The following KCNK2 variants were observed in gnomAD, a reference collection of about 807,000 sequenced individuals.
The protein encoded by KCNK2 is potassium two pore domain channel subfamily K member 2, also known as potassium channel subfamily K member 2.
Under a neutral mutation model 40.5 loss-of-function variants are expected in KCNK2, and 21 were observed. That is an observed-to-expected ratio of 0.52 (90% CI 0.37 to 0.75). The LOEUF (loss-of-function observed/expected upper bound fraction) is 0.75, where lower values mean the gene tolerates loss of function less well. Ranked by LOEUF, KCNK2 falls within the 30% of genes least tolerant of loss-of-function variation. The probability of loss-of-function intolerance (pLI) is 0.00; values close to 1 mark genes in which losing one functional copy is unlikely to be tolerated. For missense variants in KCNK2, 399 were observed against 531.6 expected (o/e 0.75, Z 2.45); for synonymous variants, 191 against 202.2 (o/e 0.94, Z 0.47).
chr1:215,082,260 G>C (rs1397287872), upstream of KCNK2: 1 of 152,436 alleles, frequency 6.6e-6, no homozygotes, highest in Non-Finnish European at 1.5e-5. Flanking sequence ...CTTCCCGAAG[G>C]TGTAGACTGG....
chr1:215,151,861 T>G (rs1173027796), intron 3 of KCNK2, among the ~76,000 whole-genome samples: 1 of 152,164 alleles, frequency 6.6e-6, no homozygotes, highest in Non-Finnish European at 1.5e-5. Flanking sequence ...AGCCTAACCA[T>G]GCTTACCTTA....
chr1:215,054,683 T>C (rs1475120844), intron 1 of KCNK2, among the ~76,000 whole-genome samples: 1 of 152,148 alleles, frequency 6.6e-6, no homozygotes, highest in Non-Finnish European at 1.5e-5. Flanking sequence ...CAAGTGATAA[T>C]GCAAACCATG....
At chr1:215,164,112 A>C (rs897534399) in intron 3 of KCNK2, among the ~76,000 whole-genome samples, 2 of 152,108 alleles carry the variant, frequency 1.3e-5, no homozygotes, top group African/African-American at 4.8e-5. Flanking sequence ...TTATTGGTCT[A>C]TTCAGGGATT....
upstream of KCNK2, among the ~76,000 whole-genome samples, chr1:215,080,651 T>C (rs1356942942): frequency 6.6e-6 from 1 of 152,226 alleles, no homozygotes; most frequent in Non-Finnish European, 1.5e-5. Context: ...TCACTGAGCA[T>C]ACAATCTAGT....
At position 215,207,568 on chromosome 1, in the gene KCNK2, A is replaced by G. The variant is rs147758090; in HGVS notation, c.963+12476A>G. Among the ~76,000 whole-genome samples the G allele has an allele frequency of 1.4e-4, 22 of 152,336 alleles. No homozygotes were observed. In the East Asian group the frequency reaches 4.1e-3, roughly 28 times the overall value. ...GTAAGGTTGTTCCCAAGAATGGTGG[A>G]CAGGTACTTGACTTACATGTCTGTG... On this transcript the variant is annotated intron_variant, in intron 6 of 6. Coordinates refer to ENST00000444842, the MANE Select transcript of KCNK2 (RefSeq NM_001017425.3).
intron 5 of KCNK2, among the ~76,000 whole-genome samples, chr1:215,178,486 C>A (rs989505809): frequency 6.6e-6 from 1 of 152,146 alleles, no homozygotes; most frequent in African/African-American, 2.4e-5. Flanking sequence ...ATGCTGTTGA[C>A]TGTGGGTTTG....
chr1:215,171,915 TC>T, intron 4 of KCNK2, 81 bp from the exon 5 acceptor site: 3 of 900,060 alleles, frequency 3.3e-6, no homozygotes, highest in Non-Finnish European at 4.6e-6. Context: ...TCTCTCTCTC[TC>T]TTTGTCTCTC....
chr1:215,137,809 T>A (rs1661996723), intron 3 of KCNK2, among the ~76,000 whole-genome samples: 2 of 152,224 alleles, frequency 1.3e-5, no homozygotes, highest in Non-Finnish European at 2.9e-5. Context: ...TTCTCATTTT[T>A]AAATAAGCTG....
intron 6 of KCNK2, among the ~76,000 whole-genome samples, chr1:215,212,611 C>G (rs942445373): frequency 3.9e-5 from 6 of 152,172 alleles, no homozygotes; most frequent in African/African-American, 1.4e-4. Context: ...AAATGAGGAA[C>G]TGGTGTGTTT....
intron 2 of KCNK2, among the ~76,000 whole-genome samples, chr1:215,111,537 T>G (rs1025435646): frequency 1.3e-5 from 2 of 152,284 alleles, no homozygotes; most frequent in East Asian, 1.9e-4. Flanking sequence ...AGTCTGCAGT[T>G]GAACCACTCT....
intron 2 of KCNK2, among the ~76,000 whole-genome samples, chr1:215,106,646 C>T (rs1660451644): frequency 6.6e-6 from 1 of 152,022 alleles, no homozygotes; most frequent in Admixed American, 6.6e-5. Context: ...AGGACTTAGC[C>T]ACAAATTATT....
chr1:215,088,555 T>C (rs548429874), intron 2 of KCNK2, among the ~76,000 whole-genome samples: 5 of 149,088 alleles, frequency 3.4e-5, no homozygotes, highest in Non-Finnish European at 7.4e-5. Context: ...TGGAGTGAGA[T>C]GCTTGGTTGG....
chr1:215,229,051 T>G (rs115491033), intron 6 of KCNK2, among the ~76,000 whole-genome samples: 3 of 152,070 alleles, frequency 2.0e-5, no homozygotes, highest in African/African-American at 7.2e-5. Flanking sequence ...CATTATGAGA[T>G]ATTTTGCAAT....
At chr1:215,202,910 G>A (rs952040180) in intron 6 of KCNK2, among the ~76,000 whole-genome samples, 2 of 152,092 alleles carry the variant, frequency 1.3e-5, no homozygotes, top group Non-Finnish European at 2.9e-5. Context: ...CTTCCCAAGT[G>A]CTCACAATGT....
intron 6 of KCNK2, among the ~76,000 whole-genome samples, chr1:215,199,566 T>A (rs373132369): frequency 3.3e-5 from 5 of 152,188 alleles, no homozygotes; most frequent in African/African-American, 1.2e-4. Flanking sequence ...TGGAAACATA[T>A]GCATTTCTGT....
At chr1:215,180,053 A>C (rs1664161408) in intron 5 of KCNK2, among the ~76,000 whole-genome samples, 1 of 152,166 alleles carries the variant, frequency 6.6e-6, no homozygotes, top group Non-Finnish European at 1.5e-5. Context: ...TGTTGGGTGC[A>C]TAAATATTTA....
intron 1 of KCNK2, among the ~76,000 whole-genome samples, chr1:215,069,634 A>G (rs951833581): frequency 6.6e-6 from 1 of 151,132 alleles, no homozygotes; most frequent in Non-Finnish European, 1.5e-5. Flanking sequence ...TTCAAATGTT[A>G]ACTTTTTGGG....
At chr1:215,075,015 A>G (rs2102518120) in intron 1 of KCNK2, among the ~76,000 whole-genome samples, 1 of 152,326 alleles carries the variant, frequency 6.6e-6, no homozygotes, top group Non-Finnish European at 1.5e-5. Context: ...GGCAAAGTTA[A>G]ATATGAATGT....
chr1:215,070,965 A>G (rs1202657816), intron 1 of KCNK2, among the ~76,000 whole-genome samples: 1 of 152,236 alleles, frequency 6.6e-6, no homozygotes, highest in Non-Finnish European at 1.5e-5. Flanking sequence ...AAATTAAATT[A>G]ATCAAATCAA....
Sources: allele counts gnomAD v4.1 joint callset (sites outside exome capture counted in the v4.1 genomes callset), GRCh38; gene constraint gnomAD v4.1.1; transcripts MANE v1.5; gene names NCBI Gene and HGNC (gene_info 2026-07-23, HGNC 2026-07-21).